The following ADCY3 variants were observed in gnomAD, a reference collection of about 807,000 sequenced individuals.
ADCY3 encodes the protein adenylate cyclase 3.
ADCY3 carries 70 observed loss-of-function variants against 119.4 expected under a neutral mutation model. The ratio of observed to expected loss-of-function variants is 0.59; its 90% CI spans 0.48 to 0.72. ADCY3 has a LOEUF of 0.72. Ranked by LOEUF, ADCY3 falls within the 30% of genes least tolerant of loss-of-function variation. The pLI, the probability that ADCY3 is intolerant of heterozygous loss-of-function variation, is 0.00. For synonymous variants in ADCY3, 672 were observed against 621.4 expected (o/e 1.08, Z -1.21); for missense variants, 1,238 against 1,541.6 (o/e 0.80, Z 3.30).
chr2:24,844,766 G>C (rs1391971857), intron 3 of ADCY3, among the ~76,000 whole-genome samples: 1 of 152,202 alleles, frequency 6.6e-6, no homozygotes, highest in African/African-American at 2.4e-5. Context: ...GACAAGGTGA[G>C]CATGCCTGGC....
At chr2:24,873,268 T>C (rs547996024) in intron 2 of ADCY3, among the ~76,000 whole-genome samples, 1 of 152,274 alleles carries the variant, frequency 6.6e-6, no homozygotes, top group East Asian at 1.9e-4. Flanking sequence ...GCAGTCACAA[T>C]GTTTACCTTA....
chr2:24,892,226 AG>A (rs939077125), intron 2 of ADCY3, among the ~76,000 whole-genome samples: 1 of 149,938 alleles, frequency 6.7e-6, no homozygotes, highest in Non-Finnish European at 1.5e-5. Flanking sequence ...ACTTTATATG[AG>A]TTCAATCTTT....
Position 24,838,641 on chromosome 2 carries a change from G to A in ADCY3, c.1356-19C>T, listed in dbSNP as rs374103367. On this transcript the variant is annotated intron_variant, in intron 7 of 21. Coordinates refer to ENST00000679454, the MANE Select transcript of ADCY3 (RefSeq NM_004036.5). ...CACGCGCCTGGATTGCAGAGAGAGA[G>A]GCCCTGAGCGTCGGCCAGAGGTGGC... 6.2e-7 allele frequency: 1 copy of A among 1,612,766 alleles called. No individual in the cohort carries two copies. The highest frequency in any genetic ancestry group is 2.2e-5 in the East Asian group (1 of 44,860).
chr2:24,827,988 G>A lies in ADCY3; in HGVS notation c.2346C>T (p.Leu782=). The change falls in exon 14 of 22, where the codon CTC becomes CTT. Residue 782 remains leucine, a synonymous_variant. Transcript: ENST00000679454. ...TGATGGTGGCCACGGCGCCTGCGAC[G>A]AGCAGCATGAGCGTGAGCTTCACCA... ...SHMVKLTLML[L]VAGAVATINL... 6.8e-6 allele frequency: 11 copies of A among 1,614,226 alleles called. No individual in the cohort carries two copies. The highest frequency in any genetic ancestry group is 1.6e-4 in the Middle Eastern group (1 of 6,062).
At chr2:24,900,892 C>T (rs774978166) in intron 2 of ADCY3, among the ~76,000 whole-genome samples, 24 of 152,038 alleles carry the variant, frequency 1.6e-4, no homozygotes, top group Non-Finnish European at 3.1e-4. Flanking sequence ...TGGTGAAACC[C>T]CATCTCTACT....
In ADCY3 at chr2:24,819,942, T is replaced by G; in HGVS notation, c.3425A>C (p.Asp1142Ala). The G allele has an allele frequency of 1.2e-6, 2 of 1,613,798 alleles. No individual in the cohort carries two copies. The highest frequency in any genetic ancestry group is 1.7e-6 in the Non-Finnish European group (2 of 1,179,888). Residue 1142 changes from aspartate to alanine, a missense_variant, in exon 22 of 22, where the codon GAC (aspartate) becomes GCC (alanine). Physicochemically the swap from Asp to Ala is moderately radical, Grantham distance 126. Coordinates refer to ENST00000679454, the MANE Select transcript of ADCY3 (RefSeq NM_004036.5). ...PSVTLPHQVV[D>A]NS The stretch of plus-strand genomic sequence containing the variant: ...CAGGCTCGAGGCCATTCAGGAGTTG[T>G]CCACCACCTGGTGGGGCAGTGTGAC...
At chr2:24,868,510 G>C (rs528060447) in intron 3 of ADCY3, among the ~76,000 whole-genome samples, 2 of 151,936 alleles carry the variant, frequency 1.3e-5, no homozygotes, top group Non-Finnish European at 2.9e-5. Context: ...AATTAGCCGG[G>C]CGTGTTCCCA....
At position 24,830,784 on chromosome 2, in the gene ADCY3, G is replaced by A; in HGVS notation, c.2097C>T (p.Asp699=). The change falls in exon 13 of 22, where the codon GAC becomes GAT. Residue 699 remains aspartate (D), a synonymous_variant. Transcript: ENST00000679454. ...AGGTGTTCCTGGCCCAGCGGGTCCG[G>A]TCAATCCAAGTTGAGAAGGCCACAA... ...KKLVAFSTWI[D]RTRWARNTWA... 6.2e-7 allele frequency: 1 copy of A among 1,614,086 alleles called. No homozygotes were observed. The highest frequency in any genetic ancestry group is 8.5e-7 in the Non-Finnish European group (1 of 1,180,002).
At chr2:24,862,800 C>A (rs2148738392) in intron 3 of ADCY3, among the ~76,000 whole-genome samples, 1 of 151,948 alleles carries the variant, frequency 6.6e-6, no homozygotes, top group South Asian at 2.1e-4. Flanking sequence ...AATTATTTTT[C>A]AAAAAAAGTC....
At chr2:24,879,045 G>A (rs767773755) in intron 2 of ADCY3, among the ~76,000 whole-genome samples, 5 of 152,162 alleles carry the variant, frequency 3.3e-5, no homozygotes, top group South Asian at 4.1e-4. Context: ...ATGGAGGGGC[G>A]GGAAGAGGTC....
At chr2:24,857,095 G>C (rs1673084816) in intron 3 of ADCY3, among the ~76,000 whole-genome samples, 1 of 152,214 alleles carries the variant, frequency 6.6e-6, no homozygotes. Flanking sequence ...ATCTGGAACA[G>C]TGCGGAAATC....
chr2:24,904,983 GT>G (rs1472184486), intron 2 of ADCY3, among the ~76,000 whole-genome samples: 1 of 151,916 alleles, frequency 6.6e-6, no homozygotes, highest in Non-Finnish European at 1.5e-5. Context: ...CCTCTATTGT[GT>G]TGTTTTTGCT....
In ADCY3 at chr2:24,821,548, G is replaced by A. The variant is rs72792178; in HGVS notation, c.3096C>T (p.Asn1032=). Residue 1032 remains asparagine, a synonymous_variant, in exon 20 of 22, where the codon AAC becomes AAT. Transcript: ENST00000679454. The part of the protein sequence containing the change: ...AMKDTLTNIN[N]QSFNNFMLRI... ...GCAGCATGAAGTTATTGAAGGACTG[G>A]TTGTTGATGTTGGTGAGCGTATCCT... 13,021 of 1,614,182 alleles carry A rather than the reference G, an allele frequency of 8.1e-3. 72 individuals are homozygous for A. The highest frequency in any genetic ancestry group is 9.6e-3 in the Non-Finnish European group (11,358 of 1,180,028).
At chr2:24,873,281 CAT>C (rs1178960975) in intron 2 of ADCY3, among the ~76,000 whole-genome samples, 1 of 152,214 alleles carries the variant, frequency 6.6e-6, no homozygotes, top group Non-Finnish European at 1.5e-5. Flanking sequence ...TTACCTTACA[CAT>C]GTGTCATAGG....
At position 24,827,544 on chromosome 2, in the gene ADCY3, A is replaced by T; in HGVS notation, c.2495+2T>A. 6.3e-7 allele frequency: 1 copy of T among 1,583,218 alleles called. No homozygotes were observed. Among genetic ancestry groups the T allele is most frequent in the South Asian group, 1.1e-5 (1 of 87,168 alleles). Reference sequence around the variant, plus strand: ...GCCAGGAGGGGAAGCCGTGGCCCTTACCTGTCAGTGCCATTGAGCCCAGGG... The same window carrying T: ...GCCAGGAGGGGAAGCCGTGGCCCTTTCCTGTCAGTGCCATTGAGCCCAGGG... On this transcript the variant is annotated splice_donor_variant, in intron 15 of 21. Transcript: ENST00000679454. LOFTEE classifies it high-confidence loss of function.
At chr2:24,860,348 A>G (rs1000460925) in intron 3 of ADCY3, among the ~76,000 whole-genome samples, 1 of 152,252 alleles carries the variant, frequency 6.6e-6, no homozygotes, top group African/African-American at 2.4e-5. Flanking sequence ...ACATGCCCAC[A>G]GAGCCGGGAG....
chr2:24,869,903 G>A (rs915445618), intron 3 of ADCY3, among the ~76,000 whole-genome samples: 32 of 152,174 alleles, frequency 2.1e-4, no homozygotes, highest in African/African-American at 6.8e-4. Context: ...GACAGAAGAC[G>A]TAAGGAGAAT....
At position 24,820,018 on chromosome 2, in the gene ADCY3, A is replaced by C; in HGVS notation, c.3349T>G (p.Phe1117Val). 1 of 1,612,214 alleles carries C rather than the reference A, an allele frequency of 6.2e-7. No individual in the cohort carries two copies. The highest frequency in any genetic ancestry group is 8.5e-7 in the Non-Finnish European group (1 of 1,179,202). Residue 1117 changes from phenylalanine (F) to valine (V), a missense_variant, in exon 22 of 22, where the codon TTC (phenylalanine) becomes GTC (valine). This residue lies in a region of ADCY3 where 86 missense variants were observed against 70.7 expected (regional missense o/e 1.22). Transcript: ENST00000679454. ...FVKGKGELLT[F>V]FLKGRDKLAT... ...AGCTTATCCCGCCCCTTCAAGAAGAAGGTCAGCAGCTCCCCCTTCCCCTTC... is the reference window on the plus strand; with the variant it reads ...AGCTTATCCCGCCCCTTCAAGAAGACGGTCAGCAGCTCCCCCTTCCCCTTC...
At chr2:24,859,530 T>C (rs993500871) in intron 3 of ADCY3, among the ~76,000 whole-genome samples, 1 of 152,172 alleles carries the variant, frequency 6.6e-6, no homozygotes, top group African/African-American at 2.4e-5. Context: ...CTTGTCCTAA[T>C]AGCAAAAGGT....
Sources: allele counts gnomAD v4.1 joint callset (sites outside exome capture counted in the v4.1 genomes callset), GRCh38; gene constraint gnomAD v4.1.1; regional missense constraint gnomAD v4.1.1; transcripts MANE v1.5; gene names NCBI Gene and HGNC (gene_info 2026-07-23, HGNC 2026-07-21).